The following ADAMTS20 variants were observed in gnomAD, a reference collection of about 807,000 sequenced individuals.
The protein encoded by ADAMTS20 is A disintegrin and metalloproteinase with thrombospondin motifs 20.
A neutral mutation model predicts 260.1 loss-of-function variants in ADAMTS20; 225 were observed. The ratio of observed to expected loss-of-function variants is 0.87; its 90% CI spans 0.78 to 0.97. The LOEUF is 0.97. Ranked by LOEUF, ADAMTS20 falls within the 50% of genes least tolerant of loss-of-function variation. The pLI is 0.00. For synonymous variants in ADAMTS20, 802 were observed against 769.5 expected (o/e 1.04, Z -0.70); for missense variants, 2,400 against 2,337.7 (o/e 1.03, Z -0.55).
rs955889699 is a variant in ADAMTS20, at chr12:43,454,139, A to G, written c.1615-87T>C. Reference sequence around the variant, plus strand: ...TTATAATAGCAGCATAAAGATCAACAGAAGAACAAACTAAACAATTTGAAG... The same window carrying G: ...TTATAATAGCAGCATAAAGATCAACGGAAGAACAAACTAAACAATTTGAAG... On this transcript the variant is annotated intron_variant, in intron 11 of 38. Transcript: ENST00000389420. 13 of 1,410,846 alleles carry G rather than the reference A, an allele frequency of 9.2e-6. No individual in the cohort carries two copies. In the African/African-American group the frequency reaches 1.6e-4, roughly 17 times the overall value. 87.4% of individuals were successfully genotyped at this position (1,410,846 alleles called of 1,614,324 possible). A position where few individuals can be genotyped will look rare whatever the true frequency, so the allele number is the denominator to read the frequency against.
chr12:43,362,027 C>T (rs1248134914), intron 37 of ADAMTS20, among the ~76,000 whole-genome samples: 1 of 152,146 alleles, frequency 6.6e-6, no homozygotes, highest in African/African-American at 2.4e-5. Flanking sequence ...TATTAGCAGA[C>T]TAGGTTGCAT....
chr12:43,432,243 G>A, intron 21 of ADAMTS20, 61 bp downstream of exon 21: 1 of 1,512,610 alleles, frequency 6.6e-7, no homozygotes, highest in South Asian at 1.3e-5. Flanking sequence ...TAAAGTCTTA[G>A]ATTACAAAGC....
chr12:43,502,074 A>C (rs1942774356), intron 4 of ADAMTS20, 78 bp downstream of exon 4: 2 of 1,379,880 alleles, frequency 1.4e-6, no homozygotes, highest in African/African-American at 3.0e-5. Context: ...GTTTGGAAAA[A>C]AAATTTAATT....
chr12:43,393,890 A>C (rs1332079271), intron 29 of ADAMTS20, among the ~76,000 whole-genome samples: 1 of 152,086 alleles, frequency 6.6e-6, no homozygotes, highest in African/African-American at 2.4e-5. Context: ...GGCTATGTTC[A>C]CCGTATTGTG....
At chr12:43,396,423 C>T (rs369032928) in intron 29 of ADAMTS20, among the ~76,000 whole-genome samples, 4 of 152,150 alleles carry the variant, frequency 2.6e-5, no homozygotes, top group Non-Finnish European at 5.9e-5. Context: ...CTTGTAACTA[C>T]CTCTGAAATT....
intron 7 of ADAMTS20, among the ~76,000 whole-genome samples, chr12:43,480,017 G>A (rs1309300887): frequency 6.6e-6 from 1 of 152,040 alleles, no homozygotes; most frequent in Non-Finnish European, 1.5e-5. Flanking sequence ...AATCATTTAA[G>A]CTAATAAATG....
chr12:43,486,538 A>T (rs868710206), intron 7 of ADAMTS20, among the ~76,000 whole-genome samples: 2 of 152,160 alleles, frequency 1.3e-5, no homozygotes, highest in Non-Finnish European at 2.9e-5. Context: ...TATGACTAAG[A>T]CCCCAAAAGC....
At chr12:43,497,554 T>G (rs1942695021) in intron 4 of ADAMTS20, among the ~76,000 whole-genome samples, 2 of 152,150 alleles carry the variant, frequency 1.3e-5, no homozygotes, top group Admixed American at 1.3e-4. Context: ...AGCGAATATG[T>G]GCAAATAATT....
rs747754826 is a variant in ADAMTS20, at chr12:43,428,309, C to T, written c.3877G>A (p.Asp1293Asn). 6.2e-7 allele frequency: 1 copy of T among 1,613,982 alleles called. No homozygotes were observed. The highest frequency in any genetic ancestry group is 1.1e-5 in the South Asian group (1 of 91,086). The change falls in exon 26 of 39, where the codon GAT (aspartate) becomes AAT (asparagine). Residue 1293 changes from aspartate to asparagine, a missense_variant. Asp to Asn is a conservative substitution (Grantham distance 23, BLOSUM62 1). Coordinates refer to ENST00000389420, the MANE Select transcript of ADAMTS20 (RefSeq NM_025003.5). ...GGATGGACCACCTGATTTTCATTATCTTCAAGTTTTTGAGTTAATGGCAAA... is the reference window on the plus strand; with the variant it reads ...GGATGGACCACCTGATTTTCATTATTTTCAAGTTTTTGAGTTAATGGCAAA... ...TNLPLTQKLE[D>N]NENQVVHPSV...
In ADAMTS20 at chr12:43,376,112, C is replaced by A; in HGVS notation, c.5257G>T (p.Glu1753Ter). 1 of 1,610,280 alleles carries A rather than the reference C, an allele frequency of 6.2e-7. No individual in the cohort carries two copies. Among genetic ancestry groups the A allele is most frequent in the Non-Finnish European group, 8.5e-7 (1 of 1,178,392 alleles). The change falls in exon 35 of 39, where the codon GAA becomes TAA. Residue 1753 changes from glutamate to a stop codon, truncating the protein, a stop_gained. Transcript: ENST00000389420. LOFTEE classifies it high-confidence loss of function. ...TCACCTTGGACCAGTGTTAAATATT[C>A]CTTAGGGTTCTCCAAGTACATGTCT... is the stretch of plus-strand genomic sequence containing the variant. ...CADMYLENPK[E>*]YLTLVQGEEN...
chr12:43,527,945 A>T (rs1474389476), intron 3 of ADAMTS20, among the ~76,000 whole-genome samples: 1 of 152,080 alleles, frequency 6.6e-6, no homozygotes, highest in South Asian at 2.1e-4. Flanking sequence ...AAGACTAAAC[A>T]GTACTCCAAA....
intron 4 of ADAMTS20, among the ~76,000 whole-genome samples, chr12:43,494,789 A>G (rs904436397): frequency 6.6e-6 from 1 of 151,600 alleles, no homozygotes. Context: ...TACCATGGAG[A>G]AAAAAAAAGC....
At chr12:43,375,985 C>A in intron 35 of ADAMTS20, 72 bp downstream of exon 35, 1 of 1,148,764 alleles carries the variant, frequency 8.7e-7, no homozygotes. Flanking sequence ...AAGTATCACT[C>A]TGAGGGCTAG....
At chr12:43,520,872 G>GCAAATGAAATTCAGCTCTCATGTTT (rs1943061911) in intron 3 of ADAMTS20, among the ~76,000 whole-genome samples, 1 of 152,188 alleles carries the variant, frequency 6.6e-6, no homozygotes, top group Admixed American at 6.5e-5. Context: ...GTAAGAGATT[G>GCAAATGAAATTCAGCTCTCATGTTT]CAAATGAAAT....
At chr12:43,492,442 T>G in intron 6 of ADAMTS20, 63 bp downstream of exon 6, 1 of 1,487,016 alleles carries the variant, frequency 6.7e-7, no homozygotes, top group Non-Finnish European at 9.1e-7. Flanking sequence ...TAAGAAGAAG[T>G]ATCAGTCATG....
At chr12:43,505,083 A>G (rs1244326724) in intron 3 of ADAMTS20, among the ~76,000 whole-genome samples, 1 of 152,226 alleles carries the variant, frequency 6.6e-6, no homozygotes, top group Non-Finnish European at 1.5e-5. Flanking sequence ...ACCCTTGTGT[A>G]TATGATCAAA....
chr12:43,384,426 G>A (rs752457949), intron 29 of ADAMTS20, among the ~76,000 whole-genome samples: 17 of 151,958 alleles, frequency 1.1e-4, no homozygotes, highest in Non-Finnish European at 2.4e-4. Context: ...ACCTACTATA[G>A]TTTGTACCTG....
At chr12:43,537,274 C>T (rs918014777) in intron 2 of ADAMTS20, among the ~76,000 whole-genome samples, 13 of 151,862 alleles carry the variant, frequency 8.6e-5, no homozygotes, top group African/African-American at 3.1e-4. Context: ...AGGCTGGTCC[C>T]GAACTCCTGA....
At chr12:43,500,699 C>T (rs1329287356) in intron 4 of ADAMTS20, among the ~76,000 whole-genome samples, 1 of 152,132 alleles carries the variant, frequency 6.6e-6, no homozygotes, top group Non-Finnish European at 1.5e-5. Flanking sequence ...GCACTGAATT[C>T]TGAAAAAATA....
Sources: gnomAD v4.1 joint callset for allele counts (sites outside exome capture counted in the v4.1 genomes callset) on GRCh38, gnomAD v4.1.1 for gene constraint, MANE v1.5 for transcripts, NCBI Gene and HGNC (gene_info 2026-07-23, HGNC 2026-07-21) for gene names.